Variants in KLHL12 observed in about 807,000 individuals in gnomAD.
KLHL12 encodes kelch-like protein 12.
A neutral mutation model predicts 60.8 loss-of-function variants in KLHL12; 17 were observed. The ratio of observed to expected loss-of-function variants is 0.28; its 90% CI spans 0.19 to 0.42. KLHL12 has a LOEUF of 0.42. Ranked by LOEUF, KLHL12 falls within the 10% of genes least tolerant of loss-of-function variation. KLHL12 has a pLI of 1.00. For missense variants in KLHL12, 468 were observed against 722.3 expected, an observed-to-expected ratio of 0.65 and a Z score of 4.04; for synonymous variants, 220 against 250.9, an observed-to-expected ratio of 0.88 and a Z score of 1.16.
intron 6 of KLHL12, among the ~76,000 whole-genome samples, chr1:202,908,730 AAAAAATTGT>A (rs1366583065): frequency 2.6e-5 from 4 of 152,222 alleles, no homozygotes; most frequent in African/African-American, 9.6e-5. Flanking sequence ...TAATATTGAC[AAAAAATTGT>A]AACATATTAT....
At chr1:202,913,085 G>A (rs577057378) in intron 4 of KLHL12, among the ~76,000 whole-genome samples, 35 of 150,936 alleles carry the variant, frequency 2.3e-4, no homozygotes, top group Non-Finnish European at 4.3e-4. Flanking sequence ...AGAAAGAAAA[G>A]CATTATCAAT....
chr1:202,908,729 C>CA (rs1660268348), intron 6 of KLHL12, among the ~76,000 whole-genome samples: 1 of 152,042 alleles, frequency 6.6e-6, no homozygotes, highest in Non-Finnish European at 1.5e-5. Flanking sequence ...ATAATATTGA[C>CA]AAAAAATTGT....
chr1:202,924,946 G>A (rs1653452604), intron 2 of KLHL12, 22 bp downstream of exon 2: 1 of 1,603,728 alleles, frequency 6.2e-7, no homozygotes, highest in Admixed American at 1.7e-5. Flanking sequence ...TTTCATTTGT[G>A]TGGGGCTAAT....
chr1:202,918,066 T>C (rs1219186065), intron 4 of KLHL12, 105 bp downstream of exon 4: 3 of 843,212 alleles, frequency 3.6e-6, no homozygotes, highest in South Asian at 3.3e-5. Context: ...TGAGCCAAAA[T>C]GCACACTTAA....
At chr1:202,892,969 G>A (rs1659723035) in intron 11 of KLHL12, among the ~76,000 whole-genome samples, 1 of 152,096 alleles carries the variant, frequency 6.6e-6, no homozygotes, top group African/African-American at 2.4e-5. Flanking sequence ...TTGAGCCCAG[G>A]AGTTGGAGAC....
intron 6 of KLHL12, among the ~76,000 whole-genome samples, chr1:202,901,133 A>C (rs187144078): frequency 6.6e-6 from 1 of 152,348 alleles, no homozygotes; most frequent in Admixed American, 6.5e-5. Context: ...AGTAGAAAGG[A>C]AATAGATTAT....
chr1:202,896,776 C>T (rs1659846407), intron 7 of KLHL12, 78 bp downstream of exon 7: 1 of 1,074,708 alleles, frequency 9.3e-7, no homozygotes, highest in African/African-American at 1.6e-5. Flanking sequence ...ACTCTTAAGG[C>T]TGGATTAGCT....
Position 202,892,465 on chromosome 1 carries a change from G to A in KLHL12, c.*68C>T, listed in dbSNP as rs867893789. 1 of 1,563,994 alleles carries A rather than the reference G, an allele frequency of 6.4e-7. No individual in the cohort carries two copies. The highest frequency in any genetic ancestry group is 8.7e-7 in the Non-Finnish European group (1 of 1,143,928). ...AGTGAGAAACAGACATTCTGGAAAG[G>A]ATTTTTGATTCTCCCACTAACTGTC... On this transcript the variant is annotated 3_prime_UTR_variant, in exon 12 of 12. Transcript: ENST00000367261.
At chr1:202,924,044 G>A (rs574867610) in intron 2 of KLHL12, among the ~76,000 whole-genome samples, 1 of 152,252 alleles carries the variant, frequency 6.6e-6, no homozygotes, top group South Asian at 2.1e-4. Context: ...CTTAAAATGA[G>A]ACTTGGGATC....
intron 6 of KLHL12, among the ~76,000 whole-genome samples, 190 bp from the exon 7 acceptor site, chr1:202,897,150 G>C (rs563790221): frequency 6.6e-6 from 1 of 151,654 alleles, no homozygotes; most frequent in Non-Finnish European, 1.5e-5. Flanking sequence ...TGTAGCTCTC[G>C]AGTCTCTGAA....
At chr1:202,912,236 C>T in intron 4 of KLHL12, 1 of 1,103,474 alleles carries the variant, frequency 9.1e-7, no homozygotes. Context: ...CTGACTGAGG[C>T]AGTGGCAAGA....
At chr1:202,916,717 A>G (rs983420966) in intron 4 of KLHL12, among the ~76,000 whole-genome samples, 3 of 152,212 alleles carry the variant, frequency 2.0e-5, no homozygotes, top group Admixed American at 6.5e-5. Context: ...ATGGAAGTAT[A>G]TTAGAGGCTT....
At chr1:202,924,003 A>C (rs1653376790) in intron 2 of KLHL12, among the ~76,000 whole-genome samples, 1 of 152,240 alleles carries the variant, frequency 6.6e-6, no homozygotes. Context: ...GCTTTGAAAA[A>C]ATAAATCAAG....
At chr1:202,918,135 T>C in intron 4 of KLHL12, 36 bp downstream of exon 4, 1 of 1,498,798 alleles carries the variant, frequency 6.7e-7, no homozygotes, top group Non-Finnish European at 9.3e-7. Flanking sequence ...AATTGCCCAA[T>C]CTTGAAGAAA....
chr1:202,896,196 T>TA lies in KLHL12; in HGVS notation c.940-480_940-479insT, dbSNP rs572705950. On this transcript the variant is annotated intron_variant, in intron 7 of 11. Transcript: ENST00000367261. ...CATGCTGAGGGAGACAGATACAAAC[T>TA]TTTTTTTTCTGAGTTGGGATCTCAC... 3.8e-3 allele frequency among the ~76,000 whole-genome samples: 583 copies of TA among 151,616 alleles called. 3 individuals are homozygous for TA. The highest frequency in any genetic ancestry group is 0.014 in the African/African-American group (559 of 41,286).
chr1:202,910,038 C>T (rs539726206), intron 5 of KLHL12, among the ~76,000 whole-genome samples: 2 of 152,128 alleles, frequency 1.3e-5, no homozygotes, highest in Non-Finnish European at 2.9e-5. Context: ...TAACCTGACC[C>T]AAGAAGTTCT....
intron 6 of KLHL12, among the ~76,000 whole-genome samples, chr1:202,908,448 C>T (rs567762139): frequency 1.3e-4 from 20 of 152,256 alleles, no homozygotes; most frequent in East Asian, 1.2e-3. Context: ...GCAGGTGCTA[C>T]GATGATTCCA....
chr1:202,926,679 T>C (rs1366487260), intron 1 of KLHL12, among the ~76,000 whole-genome samples: 1 of 152,114 alleles, frequency 6.6e-6, no homozygotes, highest in Non-Finnish European at 1.5e-5. Flanking sequence ...GCCTCAACAC[T>C]CCAAGTCTCA....
At chr1:202,925,995 C>G (rs958264370) in intron 1 of KLHL12, among the ~76,000 whole-genome samples, 1 of 151,646 alleles carries the variant, frequency 6.6e-6, no homozygotes, top group Non-Finnish European at 1.5e-5. Context: ...ATCCTAGCTA[C>G]CAAGAAGGCT....
Sources: allele counts gnomAD v4.1 joint callset (sites outside exome capture counted in the v4.1 genomes callset), GRCh38; gene constraint gnomAD v4.1.1; transcripts MANE v1.5; gene names NCBI Gene and HGNC (gene_info 2026-07-23, HGNC 2026-07-21).